SNTB2: variants seen among roughly 807,000 people sequenced by gnomAD.
The protein encoded by SNTB2 is syntrophin beta 2, also known as beta-2-syntrophin.
SNTB2 carries 34 observed loss-of-function variants against 46.2 expected under a neutral mutation model. That is an observed-to-expected ratio of 0.74 (90% CI 0.56 to 0.98). The LOEUF (loss-of-function observed/expected upper bound fraction) is 0.98. Among genes scored for constraint, SNTB2 ranks in the 50% least tolerant of loss-of-function variants. The pLI is 0.00. For synonymous variants in SNTB2, 290 were observed against 312.6 expected, an observed-to-expected ratio of 0.93 and a Z score of 0.76; for missense variants, 603 against 731.4, an observed-to-expected ratio of 0.82 and a Z score of 2.02.
chr16:69,188,846 G>A (rs112093971), intron 1 of SNTB2, among the ~76,000 whole-genome samples: 2 of 152,320 alleles, frequency 1.3e-5, no homozygotes, highest in African/African-American at 4.8e-5. Context: ...AAATGCCAAA[G>A]GAATGCAAAG....
chr16:69,280,006 C>CGGGAA (rs1173531732), intron 4 of SNTB2, among the ~76,000 whole-genome samples: 1 of 152,120 alleles, frequency 6.6e-6, no homozygotes, highest in Non-Finnish European at 1.5e-5. Context: ...GGGGACCCTG[C>CGGGAA]GGCCTTCCGC....
At chr16:69,258,605 CTTTTTTT>C (rs67116274) in intron 2 of SNTB2, among the ~76,000 whole-genome samples, 128 of 83,498 alleles carry the variant, frequency 1.5e-3, no homozygotes, top group East Asian at 3.4e-3. Flanking sequence ...CTTGTTCTTT[CTTTTTTT>C]TTTTTTTTTT....
At position 69,284,101 on chromosome 16, in the gene SNTB2, C is replaced by T. The variant is rs749522994; in HGVS notation, c.1202C>T (p.Thr401Ile). ...CRSPSLGSDL[T>I]FATRTGSRQG... The stretch of plus-strand genomic sequence containing the variant: ...TCCCCCTCCCTTGGATCTGACCTTA[C>T]ATTTGCTACCAGGACAGGCTCTCGA... Residue 401 changes from threonine (T) to isoleucine (I), a missense_variant, in exon 5 of 7, where the codon ACA becomes ATA. By Grantham distance (89) the Thr-to-Ile change is moderately conservative (BLOSUM62 -1). This residue lies in a region of SNTB2 where 537 missense variants were observed against 692.4 expected (regional missense o/e 0.78). Coordinates refer to ENST00000336278, the MANE Select transcript of SNTB2 (RefSeq NM_006750.4). 2 of 1,614,006 alleles carry T rather than the reference C, an allele frequency of 1.2e-6. No individual in the cohort carries two copies. Among genetic ancestry groups the T allele is most frequent in the Non-Finnish European group, 8.5e-7 (1 of 1,179,970 alleles).
At chr16:69,255,636 T>G (rs931094404) in intron 2 of SNTB2, among the ~76,000 whole-genome samples, 19 of 151,652 alleles carry the variant, frequency 1.3e-4, no homozygotes, top group African/African-American at 4.6e-4. Flanking sequence ...ATCCCAATAC[T>G]TTGGGAGGCT....
intron 4 of SNTB2, among the ~76,000 whole-genome samples, chr16:69,278,889 A>AGTGTGTGTGTGTGTGT (rs71148981): frequency 2.6e-4 from 37 of 141,004 alleles, no homozygotes; most frequent in African/African-American, 9.0e-4. Flanking sequence ...AGGTGGGAAG[A>AGTGTGTGTGTGTGTGT]GTGTGTGTGT....
intron 1 of SNTB2, among the ~76,000 whole-genome samples, chr16:69,188,362 C>T (rs1964015637): frequency 3.3e-5 from 5 of 152,208 alleles, no homozygotes; most frequent in Admixed American, 3.3e-4. Flanking sequence ...CATTTACTGC[C>T]AACTAGAGTT....
chr16:69,235,174 G>C (rs1452796573), intron 1 of SNTB2, among the ~76,000 whole-genome samples: 2 of 151,330 alleles, frequency 1.3e-5, no homozygotes, highest in Middle Eastern at 3.2e-3. Context: ...ACCATGCCCA[G>C]CTAATTTTTT....
chr16:69,268,189 C>T (rs552849047), intron 3 of SNTB2, among the ~76,000 whole-genome samples: 3 of 152,292 alleles, frequency 2.0e-5, no homozygotes, highest in Non-Finnish European at 2.9e-5. Flanking sequence ...ATGGGCCGGG[C>T]GCAGTGGCTC....
At chr16:69,190,074 A>T (rs1964036124) in intron 1 of SNTB2, among the ~76,000 whole-genome samples, 1 of 152,236 alleles carries the variant, frequency 6.6e-6, no homozygotes, top group South Asian at 2.1e-4. Context: ...AATATGTAAA[A>T]CCACTGAAAA....
At chr16:69,268,300 C>G (rs1964905785) in intron 3 of SNTB2, among the ~76,000 whole-genome samples, 2 of 151,942 alleles carry the variant, frequency 1.3e-5, no homozygotes, top group Admixed American at 1.3e-4. Flanking sequence ...GCTGTCTTTA[C>G]TAAAAATACA....
intron 1 of SNTB2, among the ~76,000 whole-genome samples, chr16:69,222,679 C>T (rs1204742225): frequency 6.6e-6 from 1 of 151,708 alleles, no homozygotes; most frequent in East Asian, 1.9e-4. Context: ...AATGCCTAGA[C>T]ACAAAATACA....
intron 3 of SNTB2, among the ~76,000 whole-genome samples, chr16:69,261,458 C>T (rs1037094247): frequency 2.7e-5 from 4 of 150,668 alleles, no homozygotes; most frequent in Non-Finnish European, 4.4e-5. Flanking sequence ...TGGTCACCAG[C>T]GAGAGTAATT....
Position 69,230,756 on chromosome 16 carries a change from T to TG in SNTB2, c.581-14846_581-14845insG, listed in dbSNP as rs201358192. 5.1e-3 allele frequency among the ~76,000 whole-genome samples: 770 copies of TG among 151,460 alleles called. 6 individuals carry two copies. The highest frequency in any genetic ancestry group is 0.017 in the African/African-American group (682 of 41,284). ...ACCAACCCGTTTCTTTCTTTTTTTT[T>TG]TTTTTTGAGACAGAGTCTTGCTCTG... On this transcript the variant is annotated intron_variant, in intron 1 of 6. Transcript: ENST00000336278.
intron 1 of SNTB2, among the ~76,000 whole-genome samples, chr16:69,201,106 C>T (rs1305792053): frequency 6.6e-6 from 1 of 152,192 alleles, no homozygotes; most frequent in Non-Finnish European, 1.5e-5. Context: ...GCAGAACATT[C>T]AGGAAAGCCA....
chr16:69,205,211 G>A (rs1450786679), intron 1 of SNTB2, among the ~76,000 whole-genome samples: 1 of 149,000 alleles, frequency 6.7e-6, no homozygotes, highest in Non-Finnish European at 1.5e-5. Flanking sequence ...GTGCAGTGGT[G>A]CGATCTCAGC....
chr16:69,297,331 AAAAG>A (rs1965236270), intron 5 of SNTB2, among the ~76,000 whole-genome samples: 1 of 147,340 alleles, frequency 6.8e-6, no homozygotes, highest in Non-Finnish European at 1.5e-5. Context: ...AAAAAAAAAA[AAAAG>A]GAGGCCGGGC....
At chr16:69,233,581 G>C (rs1964528737) in intron 1 of SNTB2, among the ~76,000 whole-genome samples, 1 of 152,104 alleles carries the variant, frequency 6.6e-6, no homozygotes, top group East Asian at 1.9e-4. Context: ...CAGATTTTAG[G>C]GGGGAGGAAT....
At chr16:69,282,661 G>C (rs1424260284) in intron 4 of SNTB2, among the ~76,000 whole-genome samples, 1 of 140,994 alleles carries the variant, frequency 7.1e-6, no homozygotes, top group Non-Finnish European at 1.6e-5. Context: ...GGATGGCATT[G>C]AATCTGTAGA....
Position 69,304,227 on chromosome 16 carries a change from T to C in SNTB2, c.*3303T>C, listed in dbSNP as rs1180461288. The C allele has an allele frequency of 6.6e-6, 1 of 152,462 alleles. No individual in the cohort carries two copies. Among genetic ancestry groups the C allele is most frequent in the Non-Finnish European group, 1.5e-5 (1 of 68,046 alleles). 9.4% of individuals were successfully genotyped at this position (152,462 alleles called of 1,614,324 possible). ...ATTATCTGGAAATTAGTTTCTAATG[T>C]TGTATATGAAGAAATACTTAAATAT... On this transcript the variant is annotated 3_prime_UTR_variant, in exon 7 of 7. Coordinates refer to ENST00000336278, the MANE Select transcript of SNTB2 (RefSeq NM_006750.4).
Sources: allele counts gnomAD v4.1 joint callset (sites outside exome capture counted in the v4.1 genomes callset), GRCh38; gene constraint gnomAD v4.1.1; regional missense constraint gnomAD v4.1.1; transcripts MANE v1.5; gene names NCBI Gene and HGNC (gene_info 2026-07-23, HGNC 2026-07-21).